NLGN1: variants seen among roughly 807,000 people sequenced by gnomAD.
NLGN1 encodes the protein neuroligin-1.
In NLGN1, 12 loss-of-function variants were observed where a neutral mutation model predicts 65.5. The observed-to-expected ratio is 0.18, with a 90% CI of 0.12 to 0.30. The LOEUF is 0.30. Among genes scored for constraint, NLGN1 ranks in the 10% least tolerant of loss-of-function variants. The probability of loss-of-function intolerance (pLI) is 1.00; values close to 1 mark genes in which losing one functional copy is unlikely to be tolerated. For synonymous variants in NLGN1, 350 were observed against 359.5 expected (o/e 0.97, Z 0.30); for missense variants, 750 against 1,007.1 (o/e 0.74, Z 3.46).
At chr3:173,851,400 T>C (rs1726897609) in intron 4 of NLGN1, among the ~76,000 whole-genome samples, 1 of 152,248 alleles carries the variant, frequency 6.6e-6, no homozygotes, top group African/African-American at 2.4e-5. Context: ...TATTGATTTA[T>C]GATTATGTTT....
At chr3:173,454,144 TC>T (rs1381606924) in intron 2 of NLGN1, among the ~76,000 whole-genome samples, 6 of 152,352 alleles carry the variant, frequency 3.9e-5, no homozygotes, top group Admixed American at 3.9e-4. Flanking sequence ...GACATTTTAT[TC>T]CTGAACAGCA....
intron 4 of NLGN1, among the ~76,000 whole-genome samples, chr3:174,211,171 A>G (rs546791436): frequency 1.3e-5 from 2 of 152,306 alleles, no homozygotes; most frequent in East Asian, 3.9e-4. Context: ...AAGTAGCAAG[A>G]TTTACTGCAA....
intron 3 of NLGN1, among the ~76,000 whole-genome samples, chr3:173,773,821 A>T (rs1779922883): frequency 6.6e-6 from 1 of 152,222 alleles, no homozygotes; most frequent in Non-Finnish European, 1.5e-5. Flanking sequence ...AGTAAACAAA[A>T]CATGGTAATG....
chr3:174,197,751 CGT>C (rs71162378), intron 4 of NLGN1, among the ~76,000 whole-genome samples: 63 of 141,708 alleles, frequency 4.4e-4, no homozygotes, highest in East Asian at 2.3e-3. Context: ...CCCATTATCT[CGT>C]GTGTGTGTGT....
At chr3:173,919,049 T>C (rs980543839) in intron 4 of NLGN1, among the ~76,000 whole-genome samples, 1 of 152,182 alleles carries the variant, frequency 6.6e-6, no homozygotes, top group Non-Finnish European at 1.5e-5. Flanking sequence ...TTATCCTGAT[T>C]CTCACTCTCC....
intron 3 of NLGN1, among the ~76,000 whole-genome samples, chr3:173,751,754 A>G (rs980252477): frequency 2.6e-5 from 4 of 152,190 alleles, no homozygotes; most frequent in African/African-American, 9.6e-5. Flanking sequence ...GGAATAAAAT[A>G]TAGTAATAGC....
intron 3 of NLGN1, among the ~76,000 whole-genome samples, chr3:173,625,127 C>T (rs987726722): frequency 2.0e-5 from 3 of 152,076 alleles, no homozygotes; most frequent in Non-Finnish European, 4.4e-5. Flanking sequence ...GAGTTTGAGT[C>T]ATCAAGGAAC....
At chr3:173,516,794 G>A (rs574702824) in intron 2 of NLGN1, among the ~76,000 whole-genome samples, 1 of 152,152 alleles carries the variant, frequency 6.6e-6, no homozygotes, top group East Asian at 1.9e-4. Context: ...GGCTTAGGAA[G>A]TGAAAGAGTA....
intron 3 of NLGN1, among the ~76,000 whole-genome samples, chr3:173,637,736 A>G (rs1003067636): frequency 6.6e-6 from 1 of 152,148 alleles, no homozygotes; most frequent in Non-Finnish European, 1.5e-5. Flanking sequence ...GAAAAGACCA[A>G]TGGGAAGTTG....
At chr3:173,487,334 T>C (rs1426587757) in intron 2 of NLGN1, among the ~76,000 whole-genome samples, 1 of 152,010 alleles carries the variant, frequency 6.6e-6, no homozygotes, top group East Asian at 1.9e-4. Context: ...ATTTCTACTT[T>C]TGTTGCAGTG....
intron 4 of NLGN1, among the ~76,000 whole-genome samples, chr3:173,943,176 G>C (rs923175304): frequency 2.0e-5 from 3 of 151,716 alleles, no homozygotes; most frequent in South Asian, 4.2e-4. Context: ...GTAGTGAACT[G>C]TAATGGCACC....
chr3:173,717,800 G>T (rs1022216414), intron 3 of NLGN1, among the ~76,000 whole-genome samples: 5 of 151,930 alleles, frequency 3.3e-5, no homozygotes, highest in African/African-American at 1.2e-4. Context: ...GACAATTAAA[G>T]ATATCAAAAT....
chr3:174,259,250 AG>A (rs1364265109), intron 4 of NLGN1, among the ~76,000 whole-genome samples: 3 of 152,068 alleles, frequency 2.0e-5, no homozygotes, highest in Admixed American at 2.0e-4. Context: ...TGTCTGTCTC[AG>A]GGATCAGCTA....
intron 4 of NLGN1, among the ~76,000 whole-genome samples, chr3:174,019,256 G>A (rs1305651244): frequency 6.6e-6 from 1 of 152,106 alleles, no homozygotes; most frequent in Non-Finnish European, 1.5e-5. Flanking sequence ...AAATTCATAT[G>A]TTGATGGTAT....
intron 2 of NLGN1, among the ~76,000 whole-genome samples, chr3:173,467,560 A>G (rs1007269816): frequency 6.6e-6 from 1 of 152,134 alleles, no homozygotes; most frequent in Non-Finnish European, 1.5e-5. Context: ...ATCTCTCTGT[A>G]TTCCTTGTCA....
chr3:173,747,365 G>GATATATATATTTAA (rs1560288242), intron 3 of NLGN1, among the ~76,000 whole-genome samples: 4 of 22,156 alleles, frequency 1.8e-4, no homozygotes, highest in Non-Finnish European at 3.8e-4. Flanking sequence ...TATACTTAAA[G>GATATATATATTTAA]ATATATATAT....
chr3:173,561,860 A>G (rs1215385781), intron 2 of NLGN1, among the ~76,000 whole-genome samples: 1 of 152,246 alleles, frequency 6.6e-6, no homozygotes, highest in East Asian at 1.9e-4. Flanking sequence ...GAAAACGTGC[A>G]CATTAACAGG....
At chr3:173,783,464 T>G (rs1781485923) in intron 3 of NLGN1, among the ~76,000 whole-genome samples, 1 of 152,180 alleles carries the variant, frequency 6.6e-6, no homozygotes, top group Non-Finnish European at 1.5e-5. Flanking sequence ...TCTCATGCCC[T>G]AGATGTCATT....
At chr3:173,669,543 A>G (rs889994152) in intron 3 of NLGN1, among the ~76,000 whole-genome samples, 4 of 152,190 alleles carry the variant, frequency 2.6e-5, no homozygotes, top group African/African-American at 9.7e-5. Context: ...GATGTCAGTC[A>G]TATTGGATTA....
Sources: allele counts gnomAD v4.1 joint callset (sites outside exome capture counted in the v4.1 genomes callset), GRCh38; gene constraint gnomAD v4.1.1; transcripts MANE v1.5; gene names NCBI Gene and HGNC (gene_info 2026-07-23, HGNC 2026-07-21).